Variants in HOXA3 observed in about 807,000 individuals in gnomAD.
HOXA3 encodes homeobox A3.
HOXA3 carries 8 observed loss-of-function variants against 30.3 expected under a neutral mutation model. The ratio of observed to expected loss-of-function variants is 0.26; its 90% confidence interval spans 0.15 to 0.48. HOXA3 has a LOEUF of 0.48. Ranked by LOEUF, HOXA3 falls within the 20% of genes least tolerant of loss-of-function variation. HOXA3 has a pLI of 0.99. For synonymous variants in HOXA3, 323 were observed against 273.1 expected (o/e 1.18, Z -1.80); for missense variants, 653 against 614.4 (o/e 1.06, Z -0.66).
chr7:27,142,225 A>G (rs1782597078), intron 1 of HOXA3: 2 of 828,356 alleles, frequency 2.4e-6, no homozygotes, highest in Admixed American at 2.9e-5. Context: ...CCCCTCCCGA[A>G]TTTCCTTCTC....
chr7:27,132,022 CTTA>C (rs1246164822), intron 2 of HOXA3, among the ~76,000 whole-genome samples: 1 of 152,190 alleles, frequency 6.6e-6, no homozygotes, highest in Non-Finnish European at 1.5e-5. Flanking sequence ...AAATAAATTA[CTTA>C]TTAATTCCAC....
chr7:27,107,778 G>A lies in HOXA3; in HGVS notation c.*137C>T. ...CCAACGAGGGGGGAAACCGGGAAAC[G>A]GAGTGCGGGGCGGAGAAGAGAGAAA... On this transcript the variant is annotated 3_prime_UTR_variant, in exon 6 of 6. Transcript: ENST00000612286. 2 of 586,340 alleles carry A rather than the reference G, an allele frequency of 3.4e-6. No individual in the cohort carries two copies. Among genetic ancestry groups the A allele is most frequent in the Non-Finnish European group, 5.6e-6 (2 of 356,436 alleles). 36.3% of individuals were successfully genotyped at this position (586,340 alleles called of 1,614,324 possible).
At chr7:27,130,651 C>T (rs1484000207) in intron 2 of HOXA3, 1 of 1,602,652 alleles carries the variant, frequency 6.2e-7, no homozygotes, top group Admixed American at 1.7e-5. Context: ...GCCGCCCGAG[C>T]CGCTGTGCTG....
intron 4 of HOXA3, among the ~76,000 whole-genome samples, chr7:27,111,639 C>T (rs571083632): frequency 6.6e-6 from 1 of 152,238 alleles, no homozygotes; most frequent in East Asian, 1.9e-4. Context: ...CACTTCTTTA[C>T]TTCTTTCCCC....
rs1318706801 is a variant in HOXA3 at position 27,107,758 on chromosome 7, G to A, written c.*157C>T. On this transcript the variant is annotated 3_prime_UTR_variant, in exon 6 of 6. Transcript: ENST00000612286. ...TAAACTATAAAAACGCCTTACCAACGAGGGGGGAAACCGGGAAACGGAGTG... is the reference window on the plus strand; with the variant it reads ...TAAACTATAAAAACGCCTTACCAACAAGGGGGGAAACCGGGAAACGGAGTG... The A allele has an allele frequency of 3.8e-6, 2 of 530,300 alleles. No homozygotes were observed. The highest frequency in any genetic ancestry group is 3.8e-5 in the South Asian group (1 of 26,384). The allele number at this position is 530,300 out of a possible 1,614,324, so 32.8% of individuals were successfully genotyped here. A position where few individuals can be genotyped will look rare whatever the true frequency, so the allele number is the denominator to read the frequency against.
intron 1 of HOXA3, chr7:27,145,908 T>C (rs1213343350): frequency 1.9e-6 from 3 of 1,613,468 alleles, no homozygotes; most frequent in East Asian, 2.2e-5. Flanking sequence ...ATGGCTCCCA[T>C]ACACAGCACC....
intron 1 of HOXA3, among the ~76,000 whole-genome samples, chr7:27,146,492 G>T (rs1583411871): frequency 6.6e-6 from 1 of 152,192 alleles, no homozygotes; most frequent in South Asian, 2.1e-4. Context: ...GATGTTAATG[G>T]AAAACATTAT....
intron 3 of HOXA3, among the ~76,000 whole-genome samples, chr7:27,125,014 A>C (rs1785222524): frequency 6.6e-6 from 1 of 152,154 alleles, no homozygotes; most frequent in African/African-American, 2.4e-5. Context: ...GCTTGGTTAC[A>C]AAATCTCCCC....
intron 1 of HOXA3, chr7:27,147,311 C>G: frequency 1.2e-6 from 2 of 1,613,222 alleles, no homozygotes; most frequent in Admixed American, 3.3e-5. Context: ...GTCTTACCCG[C>G]GCAGGAGTTC....
chr7:27,147,847 A>C, intron 1 of HOXA3: 2 of 1,127,856 alleles, frequency 1.8e-6, no homozygotes, highest in Non-Finnish European at 2.5e-6. Context: ...GGATGGCCGA[A>C]CGCCAAAAGC....
chr7:27,119,561 TC>T (rs375272189), intron 4 of HOXA3: 32 of 152,344 alleles, frequency 2.1e-4, no homozygotes, highest in African/African-American at 7.2e-4. Flanking sequence ...GGTCTTAGTT[TC>T]TGAACTTCTG....
intron 3 of HOXA3, among the ~76,000 whole-genome samples, chr7:27,126,111 C>T (rs1050213133): frequency 5.3e-5 from 8 of 152,068 alleles, no homozygotes; most frequent in Non-Finnish European, 1.0e-4. Context: ...AATAAAACAC[C>T]GGGTATATCA....
At position 27,151,128 on chromosome 7, in the gene HOXA3, C is replaced by G. The variant is rs1351162602; in HGVS notation, c.-494+1160G>C. The stretch of plus-strand genomic sequence containing the variant: ...GGCTAACGTCCTAAACATCCACAGC[C>G]CCTTCCTATTTATCGAATCCATACC... On this transcript the variant is annotated intron_variant, in intron 1 of 5. Transcript: ENST00000612286. 1.3e-5 allele frequency: 2 copies of G among 158,446 alleles called. 1 individual carries two copies. Among genetic ancestry groups the G allele is most frequent in the East Asian group, 3.8e-4 (2 of 5,264 alleles). 9.8% of individuals were successfully genotyped at this position (158,446 alleles called of 1,614,324 possible).
intron 1 of HOXA3, among the ~76,000 whole-genome samples, chr7:27,144,832 G>T (rs1440374200): frequency 6.6e-6 from 1 of 152,230 alleles, no homozygotes; most frequent in East Asian, 1.9e-4. Flanking sequence ...CGTTGCAGGC[G>T]CCCCTGGCAC....
At chr7:27,137,733 T>C (rs1344353206) in intron 2 of HOXA3, among the ~76,000 whole-genome samples, 1 of 152,254 alleles carries the variant, frequency 6.6e-6, no homozygotes, top group East Asian at 1.9e-4. Flanking sequence ...ACTTAAGTTT[T>C]GTGAAGATTA....
chr7:27,108,146 C>G lies in HOXA3; in HGVS notation c.1101G>C (p.Val367=), dbSNP rs150978906. The G allele has an allele frequency of 7.6e-6, 12 of 1,587,054 alleles. No individual in the cohort carries two copies. Among genetic ancestry groups the G allele is most frequent in the Admixed American group, 1.8e-5 (1 of 56,522 alleles). The change falls in exon 6 of 6, where the codon GTG becomes GTC. Residue 367 remains valine (V), a synonymous_variant. Coordinates refer to ENST00000612286, the MANE Select transcript of HOXA3 (RefSeq NM_153631.3). The surrounding 1 kb of genome is among the most constrained non-coding windows in gnomAD (Gnocchi z 5.0). Reference sequence around the variant, plus strand: ...TCATGGGCTCCACATAGCTGCCCCCCACGAAGACGGGGCTTCCCTGTATGT... The same window carrying G: ...TCATGGGCTCCACATAGCTGCCCCCGACGAAGACGGGGCTTCCCTGTATGT... ...TPHIQGSPVF[V]GGSYVEPMSN...
At chr7:27,116,222 C>T (rs1233473617) in intron 4 of HOXA3, 1 of 152,702 alleles carries the variant, frequency 6.5e-6, no homozygotes, top group Non-Finnish European at 1.5e-5. Flanking sequence ...TTTCTCAGCA[C>T]TAGAAGAATA....
At chr7:27,124,680 C>A (rs1209493456) in intron 3 of HOXA3, 1 of 152,252 alleles carries the variant, frequency 6.6e-6, no homozygotes, top group African/African-American at 2.4e-5. Flanking sequence ...CCATTCCTGA[C>A]GATCTGCATT....
In HOXA3 at chr7:27,108,731, AGAGAGAGGAAGAGCGGCGTCAGGGGCT is replaced by A; in HGVS notation, c.527-38_527-12del. 1 of 1,572,706 alleles carries A rather than the reference AGAGAGAGGAAGAGCGGCGTCAGGGGCT, an allele frequency of 6.4e-7. No individual in the cohort carries two copies. Among genetic ancestry groups the A allele is most frequent in the Non-Finnish European group, 8.6e-7 (1 of 1,158,152 alleles). On this transcript the variant is annotated splice_polypyrimidine_tract_variant and intron_variant, in intron 5 of 5. Transcript: ENST00000612286. This position sits in a 1 kb window ranked among gnomAD's most constrained non-coding sequence, Gnocchi z 5.0. ...CAGCGCAGCTTTCGCCTGCGAGGAC[AGAGAGAGGAAGAGCGGCGTCAGGGGCT>A]GCCGCGGCCCCGCCCAGCCCCTGAC... is the stretch of plus-strand genomic sequence containing the variant.
Sources: allele counts gnomAD v4.1 joint callset (sites outside exome capture counted in the v4.1 genomes callset), GRCh38; gene constraint gnomAD v4.1.1; non-coding constraint Gnocchi (gnomAD v3.1); transcripts MANE v1.5; gene names NCBI Gene and HGNC (gene_info 2026-07-23, HGNC 2026-07-21).